The following NCAM2 variants were observed in gnomAD, a reference collection of about 807,000 sequenced individuals.
NCAM2 encodes neural cell adhesion molecule 2, also known as N-CAM-2.
Under a neutral mutation model 98.1 loss-of-function variants are expected in NCAM2, and 30 were observed. The ratio of observed to expected loss-of-function variants is 0.31; its 90% confidence interval spans 0.23 to 0.41. The LOEUF is 0.41. Ranked by LOEUF, NCAM2 falls within the 10% of genes least tolerant of loss-of-function variation. The probability of loss-of-function intolerance (pLI) is 1.00; values close to 1 mark genes in which losing one functional copy is unlikely to be tolerated. For synonymous variants in NCAM2, 368 were observed against 342.4 expected (o/e 1.07, Z -0.83); for missense variants, 867 against 1,005.8 (o/e 0.86, Z 1.87).
chr21:21,234,263 C>A (rs960390097), intron 1 of NCAM2, among the ~76,000 whole-genome samples: 1 of 151,544 alleles, frequency 6.6e-6, no homozygotes, highest in Non-Finnish European at 1.5e-5. Flanking sequence ...AAATAGGAAC[C>A]CTTCACTCAT....
intron 1 of NCAM2, among the ~76,000 whole-genome samples, chr21:21,228,933 GT>G (rs2147172867): frequency 6.6e-6 from 1 of 151,284 alleles, no homozygotes; most frequent in East Asian, 1.9e-4. Context: ...TTTAATTATT[GT>G]TTTTAAACAT....
At chr21:21,069,925 T>C (rs1014897758) in intron 1 of NCAM2, among the ~76,000 whole-genome samples, 1 of 152,176 alleles carries the variant, frequency 6.6e-6, no homozygotes, top group African/African-American at 2.4e-5. Flanking sequence ...GTACTTTTCT[T>C]ATCTTTCTAT....
chr21:21,034,052 AGG>A (rs367633725), intron 1 of NCAM2, among the ~76,000 whole-genome samples: 2 of 142,318 alleles, frequency 1.4e-5, no homozygotes, highest in African/African-American at 5.2e-5. Context: ...AGATAGGCAA[AGG>A]GGGGGGGGAA....
chr21:21,279,588 AC>A (rs1732228468), intron 1 of NCAM2, among the ~76,000 whole-genome samples: 1 of 152,050 alleles, frequency 6.6e-6, no homozygotes, highest in Non-Finnish European at 1.5e-5. Context: ...CAAACTCCTG[AC>A]CTTGTGATCT....
chr21:21,073,731 T>C (rs545817508), intron 1 of NCAM2, among the ~76,000 whole-genome samples: 40 of 152,332 alleles, frequency 2.6e-4, no homozygotes, highest in Non-Finnish European at 4.4e-4. Context: ...TACAACCACA[T>C]TGTCCAGTCC....
intron 16 of NCAM2, among the ~76,000 whole-genome samples, chr21:21,517,585 C>T (rs987814425): frequency 2.0e-5 from 3 of 152,104 alleles, no homozygotes; most frequent in Non-Finnish European, 4.4e-5. Context: ...CAGCCAGGGG[C>T]GGTGGCTCAC....
chr21:21,273,131 G>A (rs187819583), intron 1 of NCAM2, among the ~76,000 whole-genome samples: 13 of 152,268 alleles, frequency 8.5e-5, no homozygotes, highest in Admixed American at 7.2e-4. Context: ...TGGTTTCACC[G>A]TATATTGGCT....
Position 21,468,682 on chromosome 21 carries a change from A to G in NCAM2, c.1795A>G (p.Ile599Val), listed in dbSNP as rs1192983313. The G allele has an allele frequency of 1.4e-5, 23 of 1,611,616 alleles. No homozygotes were observed. Among genetic ancestry groups the G allele is most frequent in the Admixed American group, 6.7e-5 (4 of 59,690 alleles). ...TCTAGGTGAACCAAGTCCTCCATCC[A>G]TACATGGACAGCCAAGCAGTGGAAA... Reference protein sequence around the residue: ...LPVREPSPPSIHGQPSSGKSF... With the variant: ...LPVREPSPPSVHGQPSSGKSF... Residue 599 changes from isoleucine (I) to valine (V), a missense_variant, in exon 14 of 18, where the codon ATA (isoleucine) becomes GTA (valine). Around this residue, in one of 5 missense-constraint regions of NCAM2, gnomAD observed 234 missense variants for 333.8 expected, o/e 0.70. Transcript: ENST00000400546.
At chr21:21,236,785 T>TGTGTGTGC (rs1555836398) in intron 1 of NCAM2, among the ~76,000 whole-genome samples, 1 of 143,290 alleles carries the variant, frequency 7.0e-6, no homozygotes, top group African/African-American at 2.6e-5. Flanking sequence ...TGTGTGTGTG[T>TGTGTGTGC]GCATGCACAC....
At chr21:21,183,844 T>C (rs982938040) in intron 1 of NCAM2, among the ~76,000 whole-genome samples, 2 of 151,990 alleles carry the variant, frequency 1.3e-5, no homozygotes, top group Non-Finnish European at 2.9e-5. Flanking sequence ...TAAGGCTACA[T>C]TGGAAAAATA....
At chr21:21,516,433 C>A (rs1020567537) in intron 16 of NCAM2, among the ~76,000 whole-genome samples, 12 of 151,588 alleles carry the variant, frequency 7.9e-5, no homozygotes, top group Admixed American at 5.3e-4. Flanking sequence ...TAAAATGAAA[C>A]GCCATATGCC....
chr21:21,198,316 A>G (rs1483523177), intron 1 of NCAM2, among the ~76,000 whole-genome samples: 1 of 152,034 alleles, frequency 6.6e-6, no homozygotes, highest in Non-Finnish European at 1.5e-5. Flanking sequence ...TAAAGTAAGT[A>G]TAAGTTTCTT....
intron 1 of NCAM2, among the ~76,000 whole-genome samples, chr21:21,068,286 C>T (rs1323493167): frequency 6.6e-6 from 1 of 151,442 alleles, no homozygotes; most frequent in East Asian, 1.9e-4. Context: ...GCACCCACCA[C>T]CGTGCCTGGC....
At chr21:21,252,074 A>G (rs1448756022) in intron 1 of NCAM2, among the ~76,000 whole-genome samples, 1 of 152,048 alleles carries the variant, frequency 6.6e-6, no homozygotes, top group East Asian at 1.9e-4. Context: ...AGAAGACATT[A>G]TGTGGCCAAC....
chr21:21,164,903 A>C (rs150092258), intron 1 of NCAM2, among the ~76,000 whole-genome samples: 5 of 152,284 alleles, frequency 3.3e-5, no homozygotes, highest in Admixed American at 3.3e-4. Context: ...AGTTTTATAC[A>C]TGCAACATGT....
chr21:21,109,617 C>A (rs1282543573), intron 1 of NCAM2, among the ~76,000 whole-genome samples: 1 of 151,964 alleles, frequency 6.6e-6, no homozygotes, highest in Non-Finnish European at 1.5e-5. Context: ...TTTTTTCTTT[C>A]ATTTTTTACA....
At chr21:21,100,383 C>A (rs1326136923) in intron 1 of NCAM2, among the ~76,000 whole-genome samples, 1 of 151,780 alleles carries the variant, frequency 6.6e-6, no homozygotes, top group Non-Finnish European at 1.5e-5. Flanking sequence ...GTCAGTGACC[C>A]CCCAAAAGCC....
At chr21:21,529,012 T>A (rs1380594) in intron 16 of NCAM2, among the ~76,000 whole-genome samples, 88,793 of 151,956 alleles carry the variant, frequency 0.58, 26,525 homozygotes, top group African/African-American at 0.68. Context: ...CTGTTGTCTA[T>A]TTGGCATATT....
chr21:21,133,844 G>A (rs1187828602), intron 1 of NCAM2, among the ~76,000 whole-genome samples: 2 of 152,076 alleles, frequency 1.3e-5, no homozygotes, highest in Admixed American at 6.6e-5. Flanking sequence ...ATAGGAACAG[G>A]ATACCCATAG....
Sources: gnomAD v4.1 joint callset for allele counts (sites outside exome capture counted in the v4.1 genomes callset) on GRCh38, gnomAD v4.1.1 for gene constraint, gnomAD v4.1.1 regional missense constraint, MANE v1.5 for transcripts, NCBI Gene and HGNC (gene_info 2026-07-23, HGNC 2026-07-21) for gene names.